The following CAPN13 variants were observed in gnomAD, a reference collection of about 807,000 sequenced individuals.
CAPN13 encodes calpain 13.
Under a neutral mutation model 98.4 loss-of-function variants are expected in CAPN13, and 90 were observed. The ratio of observed to expected loss-of-function variants is 0.92; its 90% CI spans 0.77 to 1.09. The LOEUF (loss-of-function observed/expected upper bound fraction) is 1.09. Ranked by LOEUF, CAPN13 falls within the 50% of genes least tolerant of loss-of-function variation. CAPN13 has a pLI of 0.00. For missense variants in CAPN13, 887 were observed against 841.3 expected (o/e 1.05, Z -0.67); for synonymous variants, 330 against 305.5 (o/e 1.08, Z -0.84).
rs1420956694 is a variant in CAPN13 at position 30,730,863 on chromosome 2, C to G, written c.1984-77G>C. 3.9e-6 allele frequency: 3 copies of G among 774,744 alleles called. No homozygotes were observed. The African/African-American group carries it at 5.1e-5, about 13-fold the overall frequency. 48.0% of individuals were successfully genotyped at this position (774,744 alleles called of 1,614,324 possible). ...TACAGAGCAGGGCAAATGCCACCCT[C>G]CTCCCTCGGAAGACCTCAGTCCAGT... is the stretch of plus-strand genomic sequence containing the variant. On this transcript the variant is annotated intron_variant, in intron 21 of 22. Coordinates refer to ENST00000295055, the MANE Select transcript of CAPN13 (RefSeq NM_144575.3).
chr2:30,784,221 T>A (rs1002445452), intron 2 of CAPN13, among the ~76,000 whole-genome samples: 2 of 151,756 alleles, frequency 1.3e-5, no homozygotes, highest in Non-Finnish European at 2.9e-5. Context: ...AAGAAAGGCA[T>A]TTTCTACACT....
Position 30,757,961 on chromosome 2 carries a change from A to G in CAPN13, c.866+85T>C, listed in dbSNP as rs1271559525. On this transcript the variant is annotated intron_variant, in intron 8 of 22. Transcript: ENST00000295055. ...GCCTGCAGTGAGATGCGCAGTGGCT[A>G]GATAGCCCCTGCTCTCATGGGCAGG... 3 of 989,206 alleles carry G rather than the reference A, an allele frequency of 3.0e-6. No individual in the cohort carries two copies. The Admixed American group carries it at 8.6e-5, about 28-fold the overall frequency. The allele number at this position is 989,206 out of a possible 1,614,324, so 61.3% of individuals were successfully genotyped here.
chr2:30,786,069 C>T (rs542362352), intron 2 of CAPN13, among the ~76,000 whole-genome samples: 1 of 152,302 alleles, frequency 6.6e-6, no homozygotes, highest in Admixed American at 6.5e-5. Flanking sequence ...GTCTTCAGTT[C>T]TCCTTCCCAT....
At chr2:30,760,093 T>C (rs1572833460) in intron 7 of CAPN13, among the ~76,000 whole-genome samples, 1 of 82,290 alleles carries the variant, frequency 1.2e-5, no homozygotes, top group Non-Finnish European at 2.2e-5. Context: ...ATTGTTGTGA[T>C]TTTTTTTGAG....
chr2:30,759,401 AT>A (rs1486881270), intron 7 of CAPN13, among the ~76,000 whole-genome samples: 1 of 152,194 alleles, frequency 6.6e-6, no homozygotes, highest in Non-Finnish European at 1.5e-5. Flanking sequence ...TTGAATCTGC[AT>A]CCCCGGGAGC....
chr2:30,740,186 G>A (rs112420748), intron 15 of CAPN13, among the ~76,000 whole-genome samples: 27 of 147,320 alleles, frequency 1.8e-4, no homozygotes, highest in Admixed American at 1.2e-3. Flanking sequence ...CCTCTGCCTC[G>A]TGGGTTCAGG....
chr2:30,743,389 C>G lies in CAPN13; in HGVS notation c.1439G>C (p.Ser480Thr), dbSNP rs148271074. 60 of 1,613,226 alleles carry G rather than the reference C, an allele frequency of 3.7e-5. No homozygotes were observed. The African/African-American group carries it at 7.5e-4, about 20-fold the overall frequency. The change falls in exon 13 of 23, where the codon AGT becomes ACT. Residue 480 changes from serine (S) to threonine (T), a missense_variant. Transcript: ENST00000295055. Reference protein sequence around the residue: ...LLRIFLKMPDSDRHLSSHFNL... With the variant: ...LLRIFLKMPDTDRHLSSHFNL... ...ATCCCAGAGGGTTCTGTACCTGTCA[C>G]TGTCTGGCATTTTCAGGAAGATTCG...
Position 30,763,077 on chromosome 2 carries a change from C to T in CAPN13, c.774+5G>A. On this transcript the variant is annotated splice_donor_5th_base_variant and intron_variant, in intron 7 of 22. Transcript: ENST00000295055. ...AGAGCTGGACAGGCCAGCAGCCAGC[C>T]TTACCTGCTCAGCCCCAGTCACAGT... 2 of 1,605,742 alleles carry T rather than the reference C, an allele frequency of 1.2e-6. No homozygotes were observed. The highest frequency in any genetic ancestry group is 1.7e-6 in the Non-Finnish European group (2 of 1,175,934).
At chr2:30,769,890 A>G (rs1288477168) in intron 5 of CAPN13, among the ~76,000 whole-genome samples, 2 of 151,604 alleles carry the variant, frequency 1.3e-5, no homozygotes, top group Non-Finnish European at 2.9e-5. Flanking sequence ...CCTCCCACCT[A>G]TCCCCTCTCC....
chr2:30,741,556 G>T, intron 15 of CAPN13: 1 of 1,073,060 alleles, frequency 9.3e-7, no homozygotes, highest in Non-Finnish European at 1.1e-6. Flanking sequence ...AACGATGCCA[G>T]GTTGGTGGGA....
chr2:30,755,450 G>T (rs967664599), intron 8 of CAPN13, among the ~76,000 whole-genome samples: 5 of 152,146 alleles, frequency 3.3e-5, no homozygotes, highest in Non-Finnish European at 7.3e-5. Flanking sequence ...GTAATTGCAT[G>T]CCTAATAGCA....
At chr2:30,734,935 A>C (rs1671283308) in intron 18 of CAPN13, among the ~76,000 whole-genome samples, 1 of 152,214 alleles carries the variant, frequency 6.6e-6, no homozygotes, top group African/African-American at 2.4e-5. Flanking sequence ...CCTAGGCCTC[A>C]GTTTCCTCAT....
chr2:30,742,394 C>T, intron 13 of CAPN13, 35 bp from the exon 14 acceptor site: 1 of 1,593,826 alleles, frequency 6.3e-7, no homozygotes, highest in Non-Finnish European at 8.5e-7. Context: ...CAAAGATGAC[C>T]AGCTCACCAC....
At chr2:30,792,701 T>G (rs1486667829) in intron 1 of CAPN13, among the ~76,000 whole-genome samples, 1 of 151,926 alleles carries the variant, frequency 6.6e-6, no homozygotes, top group Non-Finnish European at 1.5e-5. Context: ...ACGGCTGAAC[T>G]TATTTTTATC....
chr2:30,758,630 C>A (rs544269527), intron 7 of CAPN13, among the ~76,000 whole-genome samples: 2 of 152,158 alleles, frequency 1.3e-5, no homozygotes, highest in African/African-American at 4.8e-5. Context: ...CAGATTTGAG[C>A]AAGACTGAGA....
intron 7 of CAPN13, 48 bp from the exon 8 acceptor site, chr2:30,758,185 A>G: frequency 7.1e-7 from 1 of 1,412,260 alleles, no homozygotes; most frequent in South Asian, 1.3e-5. Context: ...AGCAAAAGTC[A>G]GCAGAAAGGG....
At chr2:30,758,833 C>CT (rs1672628384) in intron 7 of CAPN13, among the ~76,000 whole-genome samples, 1 of 132,712 alleles carries the variant, frequency 7.5e-6, no homozygotes, top group African/African-American at 2.9e-5. Flanking sequence ...TCCTTCCTCC[C>CT]TTCCTTCTTT....
chr2:30,758,806 CCCTTCCCTTCCTCCCTT>C (rs1672617340), intron 7 of CAPN13, among the ~76,000 whole-genome samples: 1 of 96,384 alleles, frequency 1.0e-5, no homozygotes, highest in Admixed American at 9.8e-5. Context: ...CTTCCTCCCT[CCCTTCCCTTCCTCCCTT>C]CCTTCCTCCC....
intron 13 of CAPN13, 141 bp downstream of exon 13, chr2:30,743,242 G>T: frequency 1.3e-6 from 1 of 775,142 alleles, no homozygotes; most frequent in Non-Finnish European, 2.2e-6. Flanking sequence ...ATGGTGAGCT[G>T]CTCTAGAGTG....
Sources: gnomAD v4.1 joint callset for allele counts (sites outside exome capture counted in the v4.1 genomes callset) on GRCh38, gnomAD v4.1.1 for gene constraint, MANE v1.5 for transcripts, NCBI Gene and HGNC (gene_info 2026-07-23, HGNC 2026-07-21) for gene names.